The following DOK6 variants were observed in gnomAD, a reference collection of about 807,000 sequenced individuals.
DOK6 encodes docking protein 6.
DOK6 carries 22 observed loss-of-function variants against 44.0 expected under a neutral mutation model. The ratio of observed to expected loss-of-function variants is 0.50; its 90% CI spans 0.36 to 0.71. The LOEUF (loss-of-function observed/expected upper bound fraction) is 0.71, where lower values mean the gene tolerates loss of function less well. Among genes scored for constraint, DOK6 ranks in the 30% least tolerant of loss-of-function variants. The pLI is 0.00. For synonymous variants in DOK6, 166 were observed against 145.5 expected (o/e 1.14, Z -1.01); for missense variants, 340 against 416.4 (o/e 0.82, Z 1.60).
chr18:69,634,837 A>G (rs1984766695), intron 3 of DOK6, among the ~76,000 whole-genome samples: 1 of 152,196 alleles, frequency 6.6e-6, no homozygotes, highest in Non-Finnish European at 1.5e-5. Flanking sequence ...TTCCTTTACC[A>G]TATTACTGGT....
intron 1 of DOK6, among the ~76,000 whole-genome samples, chr18:69,446,849 C>T (rs1379448263): frequency 3.3e-4 from 50 of 152,272 alleles, no homozygotes; most frequent in African/African-American, 1.0e-3. Context: ...GCTGCATAAA[C>T]GTCTTCTTTT....
At chr18:69,438,663 C>T (rs985096646) in intron 1 of DOK6, among the ~76,000 whole-genome samples, 4 of 152,252 alleles carry the variant, frequency 2.6e-5, no homozygotes, top group African/African-American at 9.6e-5. Flanking sequence ...GAGGAATCAC[C>T]ATTTGTGGCA....
At chr18:69,485,570 C>T (rs1188843690) in intron 1 of DOK6, among the ~76,000 whole-genome samples, 1 of 151,998 alleles carries the variant, frequency 6.6e-6, no homozygotes, top group Non-Finnish European at 1.5e-5. Context: ...AGGCTTAATC[C>T]TTTTTTGTGC....
intron 1 of DOK6, among the ~76,000 whole-genome samples, chr18:69,536,048 G>A (rs1862311005): frequency 1.3e-5 from 2 of 152,100 alleles, no homozygotes; most frequent in African/African-American, 4.8e-5. Flanking sequence ...TTAGCACACT[G>A]TCTACAAGGT....
chr18:69,498,362 C>G (rs955175586), intron 1 of DOK6, among the ~76,000 whole-genome samples: 9 of 152,000 alleles, frequency 5.9e-5, no homozygotes, highest in South Asian at 2.1e-4. Context: ...TTAATAATGC[C>G]TAAAGACAAA....
At chr18:69,475,600 T>A (rs571425619) in intron 1 of DOK6, among the ~76,000 whole-genome samples, 7 of 152,328 alleles carry the variant, frequency 4.6e-5, no homozygotes, top group African/African-American at 7.2e-5. Context: ...TTGAATTGTG[T>A]TCCTGGAAAC....
Position 69,455,867 on chromosome 18 carries a change from A to G in DOK6, c.66+54557A>G, listed in dbSNP as rs775829512. Among the ~76,000 whole-genome samples the G allele has an allele frequency of 1.7e-4, 26 of 152,200 alleles. 1 individual carries two copies. Among genetic ancestry groups the G allele is most frequent in the Non-Finnish European group, 2.6e-4 (18 of 68,022 alleles). The stretch of plus-strand genomic sequence containing the variant: ...ACTCATTTACCTTTTTAAAATCCAT[A>G]CAAATAATGACAACATTAATCTTAT... On this transcript the variant is annotated intron_variant, in intron 1 of 7. Coordinates refer to ENST00000382713, the MANE Select transcript of DOK6 (RefSeq NM_152721.6).
chr18:69,745,751 A>G (rs1013203170), intron 6 of DOK6, among the ~76,000 whole-genome samples: 3 of 152,218 alleles, frequency 2.0e-5, no homozygotes, highest in Non-Finnish European at 4.4e-5. Flanking sequence ...TGATATCATA[A>G]TATGTACTTC....
At chr18:69,417,652 T>C (rs573926430) in intron 1 of DOK6, among the ~76,000 whole-genome samples, 39 of 152,236 alleles carry the variant, frequency 2.6e-4, no homozygotes, top group Admixed American at 5.2e-4. Flanking sequence ...GTATTTTAGA[T>C]GGAAATAATT....
intron 1 of DOK6, among the ~76,000 whole-genome samples, chr18:69,489,103 GAAAC>G (rs1980665756): frequency 6.6e-6 from 1 of 152,192 alleles, no homozygotes; most frequent in African/African-American, 2.4e-5. Context: ...GCTGAACTCA[GAAAC>G]ACAAGTTCAC....
intron 2 of DOK6, among the ~76,000 whole-genome samples, chr18:69,573,613 T>G (rs886724555): frequency 7.2e-5 from 11 of 151,906 alleles, no homozygotes; most frequent in African/African-American, 2.4e-4. Flanking sequence ...ATAGGCATGA[T>G]TCATCAGTAG....
chr18:69,419,476 G>T (rs988980115), intron 1 of DOK6, among the ~76,000 whole-genome samples: 4 of 152,086 alleles, frequency 2.6e-5, no homozygotes, highest in African/African-American at 9.7e-5. Context: ...CTTTTCAAAA[G>T]AAAAGTAATA....
chr18:69,530,813 T>C (rs1981963968), intron 1 of DOK6, among the ~76,000 whole-genome samples: 1 of 152,174 alleles, frequency 6.6e-6, no homozygotes, highest in African/African-American at 2.4e-5. Flanking sequence ...AATTCCTGGA[T>C]ATTTTTATTA....
chr18:69,798,931 G>A (rs1980825092), intron 7 of DOK6, among the ~76,000 whole-genome samples: 1 of 151,918 alleles, frequency 6.6e-6, no homozygotes, highest in Non-Finnish European at 1.5e-5. Context: ...TCAAGTACTA[G>A]CAATACAACT....
At chr18:69,623,555 T>G (rs1053942418) in intron 3 of DOK6, among the ~76,000 whole-genome samples, 1 of 152,218 alleles carries the variant, frequency 6.6e-6, no homozygotes. Flanking sequence ...AAATTATTTG[T>G]CTTCTATGAA....
At chr18:69,517,321 A>AG (rs938844144) in intron 1 of DOK6, among the ~76,000 whole-genome samples, 2 of 152,140 alleles carry the variant, frequency 1.3e-5, no homozygotes, top group African/African-American at 4.8e-5. Flanking sequence ...ACCTCTGCAT[A>AG]GGGGAAAAAA....
At chr18:69,647,884 C>A (rs9966580) in intron 3 of DOK6, among the ~76,000 whole-genome samples, 17,868 of 152,036 alleles carry the variant, frequency 0.12, 1,174 homozygotes, top group East Asian at 0.2. Context: ...CTCTGCCCGC[C>A]GGCAGGGATA....
intron 7 of DOK6, among the ~76,000 whole-genome samples, chr18:69,791,884 G>A (rs969459935): frequency 2.0e-5 from 3 of 152,092 alleles, no homozygotes; most frequent in African/African-American, 7.2e-5. Context: ...CATAGTTTCA[G>A]GTCTTAGATT....
intron 1 of DOK6, among the ~76,000 whole-genome samples, chr18:69,558,228 A>C (rs1014251868): frequency 1.3e-5 from 2 of 152,028 alleles, no homozygotes; most frequent in Non-Finnish European, 2.9e-5. Context: ...TGCACTAATA[A>C]AATCTGGTTT....
Sources: allele counts gnomAD v4.1 joint callset (sites outside exome capture counted in the v4.1 genomes callset), GRCh38; gene constraint gnomAD v4.1.1; transcripts MANE v1.5; gene names NCBI Gene and HGNC (gene_info 2026-07-23, HGNC 2026-07-21).